STXBP5L: variants seen among roughly 807,000 people sequenced by gnomAD.
STXBP5L encodes the protein syntaxin-binding protein 5-like.
A neutral mutation model predicts 144.5 loss-of-function variants in STXBP5L; 65 were observed. That is an observed-to-expected ratio of 0.45 (90% confidence interval 0.37 to 0.55). STXBP5L has a LOEUF of 0.55. Ranked by LOEUF, STXBP5L falls within the 20% of genes least tolerant of loss-of-function variation. The pLI, the probability that STXBP5L is intolerant of heterozygous loss-of-function variation, is 0.00. For missense variants in STXBP5L, 1,298 were observed against 1,405.5 expected (o/e 0.92, Z 1.22); for synonymous variants, 505 against 469.6 (o/e 1.08, Z -0.97).
At chr3:120,993,053 G>T (rs1943054955) in intron 3 of STXBP5L, among the ~76,000 whole-genome samples, 1 of 152,072 alleles carries the variant, frequency 6.6e-6, no homozygotes, top group African/African-American at 2.4e-5. Flanking sequence ...GATGTTTAGT[G>T]ATGTTAAGCA....
chr3:121,338,297 GA>G (rs1434394787), intron 20 of STXBP5L, among the ~76,000 whole-genome samples: 6 of 152,050 alleles, frequency 3.9e-5, no homozygotes, highest in Admixed American at 2.6e-4. Flanking sequence ...AAAATTGGTA[GA>G]CTATTAGCTA....
rs2051082860 is a variant in STXBP5L, at chr3:121,282,204, T to C, written c.2110+2248T>C. ...GGTATGATATCACTTCCTTTCACTT[T>C]AGACTTTTTTTTCTCTTTCTTCTGC... On this transcript the variant is annotated intron_variant, in intron 19 of 26. Transcript: ENST00000471454. The C allele has an allele frequency of 5.9e-6, 9 of 1,532,102 alleles. No individual in the cohort carries two copies. The South Asian group carries it at 1.0e-4, about 17-fold the overall frequency. The allele number at this position is 1,532,102 out of a possible 1,614,324, so 94.9% of individuals were successfully genotyped here. A position where few individuals can be genotyped will look rare whatever the true frequency, so the allele number is the denominator to read the frequency against.
chr3:121,055,476 T>C (rs755478245), intron 5 of STXBP5L, among the ~76,000 whole-genome samples: 2 of 152,164 alleles, frequency 1.3e-5, no homozygotes, highest in Non-Finnish European at 2.9e-5. Flanking sequence ...CCTTAGATTG[T>C]TAAGTAATAG....
intron 2 of STXBP5L, among the ~76,000 whole-genome samples, chr3:120,936,086 T>A (rs533669237): frequency 6.6e-6 from 1 of 152,302 alleles, no homozygotes; most frequent in African/African-American, 2.4e-5. Flanking sequence ...AAATTTCTAT[T>A]GAATTTTCTT....
chr3:121,157,470 C>A (rs755403897), intron 8 of STXBP5L, 34 bp from the exon 9 acceptor site: 3 of 1,532,816 alleles, frequency 2.0e-6, no homozygotes, highest in Non-Finnish European at 2.6e-6. Context: ...CTACTTTTTT[C>A]CCCCTCTACT....
chr3:121,069,897 C>T (rs9815058), intron 5 of STXBP5L, among the ~76,000 whole-genome samples: 77,652 of 151,858 alleles, frequency 0.51, 20,302 homozygotes, highest in Admixed American at 0.6. Context: ...GAAACTCCGT[C>T]GGATGCTGTT....
chr3:121,253,841 G>A (rs1211564646), intron 15 of STXBP5L, among the ~76,000 whole-genome samples: 3 of 134,386 alleles, frequency 2.2e-5, no homozygotes, highest in Non-Finnish European at 4.7e-5. Flanking sequence ...TTTTAGTAGA[G>A]ACGGGGTTTC....
chr3:121,123,269 A>G (rs560755784), intron 7 of STXBP5L, among the ~76,000 whole-genome samples: 11 of 151,786 alleles, frequency 7.2e-5, no homozygotes, highest in African/African-American at 2.6e-4. Context: ...ATGAGCAATT[A>G]AGCATTATCA....
chr3:121,001,325 G>A (rs961565708), intron 3 of STXBP5L, among the ~76,000 whole-genome samples: 2 of 152,212 alleles, frequency 1.3e-5, no homozygotes, highest in Non-Finnish European at 2.9e-5. Context: ...ACTGCAAGTG[G>A]ATGTGGCCAG....
At chr3:121,267,896 G>C (rs1388441679) in intron 18 of STXBP5L, among the ~76,000 whole-genome samples, 3 of 152,162 alleles carry the variant, frequency 2.0e-5, no homozygotes, top group Non-Finnish European at 4.4e-5. Context: ...TTATTAAAAA[G>C]TCAGGAAACA....
At chr3:121,191,744 T>C (rs1263097799) in intron 9 of STXBP5L, among the ~76,000 whole-genome samples, 2 of 152,144 alleles carry the variant, frequency 1.3e-5, no homozygotes, top group African/African-American at 4.8e-5. Flanking sequence ...GTGGCACATA[T>C]ACACCATGGA....
intron 5 of STXBP5L, among the ~76,000 whole-genome samples, chr3:121,052,141 C>A (rs998150994): frequency 6.6e-6 from 1 of 152,172 alleles, no homozygotes; most frequent in Non-Finnish European, 1.5e-5. Context: ...CAACCGAATT[C>A]TACCCGAGGT....
chr3:120,912,916 A>G (rs1235504571), intron 2 of STXBP5L, among the ~76,000 whole-genome samples: 20 of 151,906 alleles, frequency 1.3e-4, no homozygotes, highest in Admixed American at 1.3e-3. Flanking sequence ...CTCATATCTC[A>G]ATGCCTTCTC....
intron 16 of STXBP5L, among the ~76,000 whole-genome samples, chr3:121,256,693 A>G (rs2050216513): frequency 6.6e-6 from 1 of 152,014 alleles, no homozygotes; most frequent in East Asian, 1.9e-4. Context: ...TAATTTTTTC[A>G]TACACACACA....
intron 22 of STXBP5L, among the ~76,000 whole-genome samples, chr3:121,385,691 C>T (rs1285190547): frequency 6.6e-6 from 1 of 152,138 alleles, no homozygotes; most frequent in East Asian, 1.9e-4. Flanking sequence ...TTACTCACTG[C>T]CTTCATACTG....
At chr3:121,343,793 G>A (rs1275257111) in intron 20 of STXBP5L, among the ~76,000 whole-genome samples, 7 of 152,096 alleles carry the variant, frequency 4.6e-5, no homozygotes, top group Admixed American at 3.3e-4. Flanking sequence ...TGGGTAGGAA[G>A]AATCAATATC....
At chr3:121,230,742 A>G (rs1439550928) in intron 11 of STXBP5L, among the ~76,000 whole-genome samples, 2 of 152,200 alleles carry the variant, frequency 1.3e-5, no homozygotes, top group African/African-American at 2.4e-5. Context: ...CTTTAGCCAT[A>G]TGTCAGGCAT....
chr3:121,018,523 CAAAAAAAA>C (rs139946627), intron 3 of STXBP5L, among the ~76,000 whole-genome samples: 5 of 101,942 alleles, frequency 4.9e-5, no homozygotes, highest in African/African-American at 1.1e-4. Flanking sequence ...ATCCATATAC[CAAAAAAAA>C]AAAAAAAAAA....
At chr3:120,933,477 T>G (rs1710076135) in intron 2 of STXBP5L, among the ~76,000 whole-genome samples, 1 of 152,170 alleles carries the variant, frequency 6.6e-6, no homozygotes, top group Non-Finnish European at 1.5e-5. Context: ...AATTGTGTGA[T>G]ATAAGAAAAT....
Sources: allele counts gnomAD v4.1 joint callset (sites outside exome capture counted in the v4.1 genomes callset), GRCh38; gene constraint gnomAD v4.1.1; transcripts MANE v1.5; gene names NCBI Gene and HGNC (gene_info 2026-07-23, HGNC 2026-07-21).